Variants in PLCG2 observed in about 807,000 individuals in gnomAD.
The protein encoded by PLCG2 is phospholipase C gamma 2.
A neutral mutation model predicts 175.6 loss-of-function variants in PLCG2; 69 were observed. That is an observed-to-expected ratio of 0.39 (90% confidence interval 0.32 to 0.48). The LOEUF is 0.48. PLCG2 is among the 20% of genes least tolerant of loss of function. PLCG2 has a pLI of 0.91. For synonymous variants in PLCG2, 827 were observed against 624.0 expected, an observed-to-expected ratio of 1.33 and a Z score of -4.85; for missense variants, 1,798 against 1,650.9, an observed-to-expected ratio of 1.09 and a Z score of -1.54.
chr16:81,854,743 C>A (rs574949483), intron 3 of PLCG2, among the ~76,000 whole-genome samples, 156 bp downstream of exon 3: 1 of 152,144 alleles, frequency 6.6e-6, no homozygotes, highest in Non-Finnish European at 1.5e-5. Context: ...AGCTGTGTGT[C>A]TTTAGGTGAG....
At chr16:81,862,296 C>A (rs1253296539) in intron 5 of PLCG2, among the ~76,000 whole-genome samples, 1 of 152,254 alleles carries the variant, frequency 6.6e-6, no homozygotes, top group African/African-American at 2.4e-5. Context: ...CACGCTGTTT[C>A]ATTTTTTGAC....
chr16:81,767,024 T>G (rs1334259533), intron 2 of PLCG2: 3 of 152,146 alleles, frequency 2.0e-5, no homozygotes, highest in African/African-American at 7.2e-5. Context: ...CCTGCTTTCC[T>G]TGCTAGTCAC....
intron 2 of PLCG2, among the ~76,000 whole-genome samples, chr16:81,846,935 C>T (rs1164232158): frequency 6.6e-6 from 1 of 152,122 alleles, no homozygotes; most frequent in African/African-American, 2.4e-5. Context: ...CTCCATTGGA[C>T]ACCAGTTTGG....
chr16:81,917,494 T>G (rs1909890878), intron 19 of PLCG2, among the ~76,000 whole-genome samples: 1 of 152,306 alleles, frequency 6.6e-6, no homozygotes, highest in Middle Eastern at 3.4e-3. Context: ...GTGGCTATGC[T>G]AATTTACAGT....
rs1911741630 is a variant in PLCG2, at chr16:81,960,456, G to A, written c.*2458G>A. 4.4e-6 allele frequency: 1 copy of A among 228,454 alleles called. No homozygotes were observed. Among genetic ancestry groups the A allele is most frequent in the African/African-American group, 2.2e-5 (1 of 45,090 alleles). The allele number at this position is 228,454 out of a possible 1,614,324, so 14.2% of individuals were successfully genotyped here. A position where few individuals can be genotyped will look rare whatever the true frequency, so the allele number is the denominator to read the frequency against. On this transcript the variant is annotated 3_prime_UTR_variant, in exon 33 of 33. Transcript: ENST00000564138. ...TTTTGTTCACCATTTTCCTAAGTGTGTTATTTAGAATATTGGTTATTACAA... is the reference window on the plus strand; with the variant it reads ...TTTTGTTCACCATTTTCCTAAGTGTATTATTTAGAATATTGGTTATTACAA...
chr16:81,891,563 A>T lies in PLCG2; in HGVS notation c.959A>T (p.His320Leu). 6.2e-7 allele frequency: 1 copy of T among 1,601,616 alleles called. No individual in the cohort carries two copies. The highest frequency in any genetic ancestry group is 8.6e-7 in the Non-Finnish European group (1 of 1,168,790). The change falls in exon 11 of 33, where the codon CAT (histidine) becomes CTT (leucine). Residue 320 changes from histidine to leucine, a missense_variant. By Grantham distance (99) the His-to-Leu change is moderately conservative. Coordinates refer to ENST00000564138, the MANE Select transcript of PLCG2 (RefSeq NM_002661.5). The stretch of plus-strand genomic sequence containing the variant: ...CAGGACATGAACAACCCCCTGTCTC[A>T]TTACTGGATCTCCTCGTCACATAAC... ...DMQDMNNPLSHYWISSSHNTY... is the reference protein window; with the variant it reads ...DMQDMNNPLSLYWISSSHNTY...
intron 1 of PLCG2, among the ~76,000 whole-genome samples, chr16:81,785,097 G>C (rs543396017): frequency 6.6e-6 from 1 of 152,248 alleles, no homozygotes; most frequent in East Asian, 1.9e-4. Flanking sequence ...TGAGATCCTA[G>C]GAGGAGCCGG....
intron 5 of PLCG2, among the ~76,000 whole-genome samples, chr16:81,859,686 C>T (rs1293974693): frequency 2.0e-5 from 3 of 152,156 alleles, no homozygotes; most frequent in African/African-American, 7.2e-5. Flanking sequence ...AGGCACCCGC[C>T]ACCATGCCCG....
At chr16:81,953,834 G>C (rs1275660269) in intron 31 of PLCG2, among the ~76,000 whole-genome samples, 1 of 151,998 alleles carries the variant, frequency 6.6e-6, no homozygotes, top group Non-Finnish European at 1.5e-5. Context: ...CAAATATTTT[G>C]GCACTCAGGA....
rs755638224 is a variant in PLCG2 at position 81,938,806 on chromosome 16, C to A, written c.3204C>A (p.Leu1068=). Residue 1068 remains leucine (L), a synonymous_variant, in exon 29 of 33, where the codon CTC becomes CTA. Transcript: ENST00000564138. The stretch of plus-strand genomic sequence containing the variant: ...GCTTCCCTTTGGTGTCCCAGGTTCT[C>A]GGTGCTCGCCATCTCCCCAAACTTG... The part of the protein sequence containing the change: ...KILMTLTVKV[L]GARHLPKLGR... The A allele has an allele frequency of 6.2e-7, 1 of 1,605,770 alleles. No individual in the cohort carries two copies. The highest frequency in any genetic ancestry group is 1.1e-5 in the South Asian group (1 of 90,214).
Position 81,939,860 on chromosome 16 carries a change from G to A in PLCG2, c.3314-32G>A, listed in dbSNP as rs770433315. 3 of 1,525,114 alleles carry A rather than the reference G, an allele frequency of 2.0e-6. 1 individual carries two copies. Among genetic ancestry groups the A allele is most frequent in the Middle Eastern group, 3.4e-4 (2 of 5,808 alleles). 94.5% of individuals were successfully genotyped at this position (1,525,114 alleles called of 1,614,324 possible). A position where few individuals can be genotyped will look rare whatever the true frequency, so the allele number is the denominator to read the frequency against. On this transcript the variant is annotated intron_variant, in intron 29 of 32. Transcript: ENST00000564138. ...CTTACCAGAAGGGGGCAGCTCCAAT[G>A]TGGCCTCTCATGAGCTTTGATCTCC...
At chr16:81,865,285 G>C (rs1232849497) in intron 5 of PLCG2, among the ~76,000 whole-genome samples, 1 of 152,142 alleles carries the variant, frequency 6.6e-6, no homozygotes, top group Non-Finnish European at 1.5e-5. Flanking sequence ...CTGAGCCGTT[G>C]GCTTCCTCCC....
chr16:81,874,977 T>TTC (rs1907707153), intron 7 of PLCG2, among the ~76,000 whole-genome samples: 1 of 136,908 alleles, frequency 7.3e-6, no homozygotes, highest in Non-Finnish European at 1.6e-5. Flanking sequence ...TTTTTTTTTT[T>TTC]ATTTGAGACA....
chr16:81,789,852 T>G (rs7202834), intron 2 of PLCG2, among the ~76,000 whole-genome samples: 4 of 141,852 alleles, frequency 2.8e-5, no homozygotes, highest in East Asian at 2.1e-4. Flanking sequence ...TTGCCCCCCC[T>G]CCATTGCCTC....
At position 81,895,826 on chromosome 16, in the gene PLCG2, C is replaced by T. The variant is rs369150321; in HGVS notation, c.1092C>T (p.Pro364=). ...CTGTAGTGGACTGCTGGGACGGGCC[C>T]GATGGGAAGCCGGTCATCTACCATG... ...RCIELDCWDG[P]DGKPVIYHGW... The change falls in exon 13 of 33, where the codon CCC becomes CCT. Residue 364 remains proline (P), a synonymous_variant. Transcript: ENST00000564138. The T allele has an allele frequency of 5.3e-5, 85 of 1,613,934 alleles. No homozygotes were observed. The Admixed American group carries it at 6.0e-4, about 11-fold the overall frequency.
At chr16:81,933,973 G>A (rs1464281146) in intron 25 of PLCG2, among the ~76,000 whole-genome samples, 1 of 152,260 alleles carries the variant, frequency 6.6e-6, no homozygotes, top group Non-Finnish European at 1.5e-5. Context: ...GGCAGTCAGA[G>A]CTGGGGAGCA....
intron 30 of PLCG2, among the ~76,000 whole-genome samples, chr16:81,940,725 C>A (rs762429226): frequency 1.4e-5 from 2 of 148,062 alleles, no homozygotes; most frequent in African/African-American, 5.1e-5. Flanking sequence ...GAGATAGACA[C>A]TTCCAGGTGA....
In PLCG2 at chr16:81,785,921, C is replaced by T. The variant is rs372331728; in HGVS notation, c.-47-22C>T. Reference sequence around the variant, plus strand: ...CCCTTTCAGTACTAAAATCAGTTCACTCTTTAATTCTGCCCTTTCAGCTTC... The same window carrying T: ...CCCTTTCAGTACTAAAATCAGTTCATTCTTTAATTCTGCCCTTTCAGCTTC... On this transcript the variant is annotated intron_variant, in intron 1 of 32. Coordinates refer to ENST00000564138, the MANE Select transcript of PLCG2 (RefSeq NM_002661.5). The T allele has an allele frequency of 3.4e-5, 49 of 1,438,700 alleles. No individual in the cohort carries two copies. The East Asian group carries it at 5.5e-4, about 16-fold the overall frequency. The allele number at this position is 1,438,700 out of a possible 1,614,324, so 89.1% of individuals were successfully genotyped here.
intron 2 of PLCG2, among the ~76,000 whole-genome samples, chr16:81,826,126 C>G (rs566664546): frequency 1.4e-3 from 220 of 152,306 alleles, no homozygotes; most frequent in African/African-American, 5.0e-3. Flanking sequence ...CCAGTTTTCC[C>G]CATTGTGGTA....
Sources: gnomAD v4.1 joint callset for allele counts (sites outside exome capture counted in the v4.1 genomes callset) on GRCh38, gnomAD v4.1.1 for gene constraint, MANE v1.5 for transcripts, NCBI Gene and HGNC (gene_info 2026-07-23, HGNC 2026-07-21) for gene names.